Variants in SEC14L5 observed in about 807,000 individuals in gnomAD.
SEC14L5 encodes the protein SEC14 like lipid binding 5.
In SEC14L5, 96 loss-of-function variants were observed where a neutral mutation model predicts 84.6. The observed-to-expected ratio is 1.13, with a 90% CI of 0.96 to 1.34. The LOEUF is 1.34. SEC14L5 is among the 40% of genes most tolerant of loss of function. SEC14L5 has a pLI of 0.00. For synonymous variants in SEC14L5, 546 were observed against 383.4 expected, an observed-to-expected ratio of 1.42 and a Z score of -4.95; for missense variants, 1,224 against 942.5, an observed-to-expected ratio of 1.30 and a Z score of -3.91.
In SEC14L5 at chr16:5,007,455, C is replaced by A. The variant is rs763523430; in HGVS notation, c.1541C>A (p.Ser514Ter). ...QLWQWSETYHSASVLRGAPHE... is the reference protein window; with the variant it reads ...QLWQWSETYH ...TGGCAGTGGAGTGAGACCTACCATT[C>A]AGCCAGCGTGCTCCGCGGAGCCCCC... Residue 514 changes from serine to a stop codon, truncating the protein, a stop_gained, in exon 13 of 16, where the codon TCA becomes TAA. Transcript: ENST00000251170. LOFTEE classifies it high-confidence loss of function. 6.2e-7 allele frequency: 1 copy of A among 1,613,858 alleles called. No individual in the cohort carries two copies. Among genetic ancestry groups the A allele is most frequent in the East Asian group, 2.2e-5 (1 of 44,876 alleles).
intron 15 of SEC14L5, among the ~76,000 whole-genome samples, chr16:5,013,029 GGA>G (rs371606201): frequency 4.6e-5 from 7 of 151,972 alleles, no homozygotes; most frequent in African/African-American, 9.7e-5. Context: ...CAAAGGGTCA[GGA>G]GAGAGAGAGA....
rs952463248 is a variant in SEC14L5 at position 5,010,987 on chromosome 16, A to T, written c.1801-108A>T. Reference sequence around the variant, plus strand: ...GGACTGGAGAAAGGGACAGAGGGAGAAGAGCCCCAATTTCCAGGCCTGGTG... The same window carrying T: ...GGACTGGAGAAAGGGACAGAGGGAGTAGAGCCCCAATTTCCAGGCCTGGTG... On this transcript the variant is annotated intron_variant, in intron 14 of 15. Transcript: ENST00000251170. 6 of 1,077,028 alleles carry T rather than the reference A, an allele frequency of 5.6e-6. No homozygotes were observed. The Admixed American group carries it at 1.5e-4, about 27-fold the overall frequency. The allele number at this position is 1,077,028 out of a possible 1,614,324, so 66.7% of individuals were successfully genotyped here.
chr16:4,963,927 T>C (rs577704924), intron 2 of SEC14L5, among the ~76,000 whole-genome samples: 3 of 152,228 alleles, frequency 2.0e-5, no homozygotes, highest in Non-Finnish European at 4.4e-5. Context: ...GCTCAAGTGA[T>C]CCTCCCACCC....
Position 5,015,207 on chromosome 16 carries a change from A to G in SEC14L5, c.*237A>G. 1 of 536,788 alleles carries G rather than the reference A, an allele frequency of 1.9e-6. No individual in the cohort carries two copies. The highest frequency in any genetic ancestry group is 3.3e-6 in the Non-Finnish European group (1 of 302,112). 33.3% of individuals were successfully genotyped at this position (536,788 alleles called of 1,614,324 possible). On this transcript the variant is annotated 3_prime_UTR_variant, in exon 16 of 16. Transcript: ENST00000251170. ...CTCCTTCCGGCTTCGTGTAAGGAAG[A>G]CCAAGCCAAGGCCAAGGTGTCTACC...
At chr16:4,992,055 C>T (rs772273331) in intron 6 of SEC14L5, 25 bp downstream of exon 6, 6 of 1,493,068 alleles carry the variant, frequency 4.0e-6, no homozygotes, top group Non-Finnish European at 4.5e-6. Context: ...CCAGGCCAGT[C>T]AGCCCTAGGA....
rs142459835 is a variant in SEC14L5 at position 5,008,590 on chromosome 16, G to T, written c.1742G>T (p.Gly581Val). The change falls in exon 14 of 16, where the codon GGC (glycine) becomes GTC (valine). Residue 581 changes from glycine (G) to valine (V), a missense_variant. Gly to Val is a moderately radical substitution (Grantham distance 109, BLOSUM62 -3). Transcript: ENST00000251170. Reference protein sequence around the residue: ...GQLIDKGWVLGRDYSRVEAPL... With the variant: ...GQLIDKGWVLVRDYSRVEAPL... ...CTGATCGACAAAGGCTGGGTCCTGG[G>T]CAGGGATTACAGCCGTGTGGAGGCT... is the stretch of plus-strand genomic sequence containing the variant. 4 of 1,607,116 alleles carry T rather than the reference G, an allele frequency of 2.5e-6. No homozygotes were observed. The highest frequency in any genetic ancestry group is 1.1e-5 in the South Asian group (1 of 90,028).
intron 2 of SEC14L5, among the ~76,000 whole-genome samples, chr16:4,971,382 C>T (rs1249456583): frequency 6.6e-6 from 1 of 151,544 alleles, no homozygotes; most frequent in Non-Finnish European, 1.5e-5. Flanking sequence ...TCAGTGGAGG[C>T]CAGGAGGTCG....
At chr16:4,997,213 C>G (rs1215438767) in intron 8 of SEC14L5, among the ~76,000 whole-genome samples, 169 bp downstream of exon 8, 1 of 152,208 alleles carries the variant, frequency 6.6e-6, no homozygotes, top group South Asian at 2.1e-4. Flanking sequence ...ATTCTCCTGC[C>G]TCAGCCTCCC....
At chr16:4,984,437 C>T (rs1325757130) in intron 2 of SEC14L5, among the ~76,000 whole-genome samples, 5 of 152,156 alleles carry the variant, frequency 3.3e-5, no homozygotes, top group African/African-American at 1.2e-4. Flanking sequence ...TTCCCTCATC[C>T]GTTGATGGAC....
chr16:5,004,465 C>T (rs1482392699), intron 11 of SEC14L5, among the ~76,000 whole-genome samples: 2 of 152,086 alleles, frequency 1.3e-5, no homozygotes, highest in East Asian at 3.9e-4. Flanking sequence ...TGAAGGGGCT[C>T]CTTGCAGAGG....
At chr16:4,996,785 T>C in intron 7 of SEC14L5, 70 bp from the exon 8 acceptor site, 1 of 1,239,496 alleles carries the variant, frequency 8.1e-7, no homozygotes, top group Admixed American at 2.3e-5. Flanking sequence ...TTGCCCCGGC[T>C]GGTTCTGTAA....
chr16:4,990,568 T>G (rs1955541639), intron 4 of SEC14L5, among the ~76,000 whole-genome samples, 199 bp from the exon 5 acceptor site: 1 of 152,204 alleles, frequency 6.6e-6, no homozygotes, highest in Non-Finnish European at 1.5e-5. Flanking sequence ...TGAGAAGGCT[T>G]TTTGTTCCCT....
rs114980967 is a variant in SEC14L5 at position 5,012,279 on chromosome 16, G to T, written c.1979+1006G>T. ...AGAGGAATAGACACAGGCATTGGAA[G>T]GTTGTCTCTGGGAGGGCTGATTCTG... On this transcript the variant is annotated intron_variant, in intron 15 of 15. Transcript: ENST00000251170. 3.1e-3 allele frequency among the ~76,000 whole-genome samples: 473 copies of T among 152,328 alleles called. 2 individuals are homozygous for T. Among genetic ancestry groups the T allele is most frequent in the African/African-American group, 0.011 (444 of 41,566 alleles).
chr16:4,990,985 C>A (rs1568128953), intron 5 of SEC14L5, 90 bp downstream of exon 5: 8 of 1,071,218 alleles, frequency 7.5e-6, no homozygotes, highest in Non-Finnish European at 1.0e-5. Context: ...AGACCCTTAC[C>A]CTTCCTGGGC....
rs1179972308 is a variant in SEC14L5, at chr16:4,996,598, C to A, written c.780+138C>A. ...TATTTATTTATTTATTCATTTATTT[C>A]TGTGAGACAAAGTCTCACTCTGTCC... On this transcript the variant is annotated intron_variant, in intron 7 of 15. Transcript: ENST00000251170. The A allele has an allele frequency of 2.7e-5, 17 of 628,306 alleles. No individual in the cohort carries two copies. The Admixed American group carries it at 3.2e-4, about 12-fold the overall frequency. The allele number at this position is 628,306 out of a possible 1,614,324, so 38.9% of individuals were successfully genotyped here.
Position 5,017,953 on chromosome 16 carries a change from C to A in SEC14L5, c.*2983C>A, listed in dbSNP as rs1955893692. 1 of 152,186 alleles carries A rather than the reference C, an allele frequency of 6.6e-6. No individual in the cohort carries two copies. Among genetic ancestry groups the A allele is most frequent in the Non-Finnish European group, 1.5e-5 (1 of 68,046 alleles). 9.4% of individuals were successfully genotyped at this position (152,186 alleles called of 1,614,324 possible). ...CATTAGTTCATTAATCCATTGTGAC[C>A]AGGACAGAAGCAACCCACAAGCAGC... On this transcript the variant is annotated 3_prime_UTR_variant, in exon 16 of 16. Coordinates refer to ENST00000251170, the MANE Select transcript of SEC14L5 (RefSeq NM_014692.2).
In SEC14L5 at chr16:5,010,997, A is replaced by G. The variant is rs1006919094; in HGVS notation, c.1801-98A>G. 8.9e-5 allele frequency: 110 copies of G among 1,230,088 alleles called. No homozygotes were observed. In the South Asian group the frequency reaches 1.3e-3, roughly 14 times the overall value. The allele number at this position is 1,230,088 out of a possible 1,614,324, so 76.2% of individuals were successfully genotyped here. Reference sequence around the variant, plus strand: ...AAGGGACAGAGGGAGAAGAGCCCCAATTTCCAGGCCTGGTGATGAGAAGCC... The same window carrying G: ...AAGGGACAGAGGGAGAAGAGCCCCAGTTTCCAGGCCTGGTGATGAGAAGCC... On this transcript the variant is annotated intron_variant, in intron 14 of 15. Coordinates refer to ENST00000251170, the MANE Select transcript of SEC14L5 (RefSeq NM_014692.2).
At chr16:4,959,517 G>A in intron 2 of SEC14L5, 131 bp downstream of exon 2, 2 of 793,692 alleles carry the variant, frequency 2.5e-6, no homozygotes, top group South Asian at 3.0e-5. Context: ...AGCTGACCTG[G>A]TGGGTTTAAC....
chr16:4,971,071 C>T (rs1054824257), intron 2 of SEC14L5, among the ~76,000 whole-genome samples: 2 of 149,122 alleles, frequency 1.3e-5, no homozygotes, highest in Non-Finnish European at 3.0e-5. Context: ...CACCACTGCA[C>T]TCCAGCCTGG....
Sources: gnomAD v4.1 joint callset for allele counts (sites outside exome capture counted in the v4.1 genomes callset) on GRCh38, gnomAD v4.1.1 for gene constraint, MANE v1.5 for transcripts, NCBI Gene and HGNC (gene_info 2026-07-23, HGNC 2026-07-21) for gene names.